The following DYDC1 variants were observed in gnomAD, a reference collection of about 807,000 sequenced individuals.
The protein encoded by DYDC1 is DPY30 domain containing 1, also known as DPY30 domain-containing protein 1.
Under a neutral mutation model 27.9 loss-of-function variants are expected in DYDC1, and 21 were observed. The ratio of observed to expected loss-of-function variants is 0.75; its 90% CI spans 0.53 to 1.08. The LOEUF (loss-of-function observed/expected upper bound fraction) is 1.08. Among genes scored for constraint, DYDC1 ranks in the 50% least tolerant of loss-of-function variants. The probability of loss-of-function intolerance (pLI) is 0.00; values close to 1 mark genes in which losing one functional copy is unlikely to be tolerated. For synonymous variants in DYDC1, 67 were observed against 65.8 expected (o/e 1.02, Z -0.09); for missense variants, 202 against 205.9 (o/e 0.98, Z 0.12).
chr10:80,351,653 T>C (rs1444972169), intron 3 of DYDC1, among the ~76,000 whole-genome samples: 3 of 152,212 alleles, frequency 2.0e-5, no homozygotes, highest in Non-Finnish European at 4.4e-5. Flanking sequence ...CCTGGAGGTA[T>C]GGCATCTTTT....
intron 1 of DYDC1, among the ~76,000 whole-genome samples, chr10:80,355,843 T>C (rs555679388): frequency 3.9e-5 from 6 of 152,306 alleles, no homozygotes; most frequent in African/African-American, 1.2e-4. Context: ...CAAATGAGGT[T>C]GATATTGGTG....
rs1426654352 is a variant in DYDC1, at chr10:80,336,138, C to A, written c.*18G>T. On this transcript the variant is annotated 3_prime_UTR_variant, in exon 7 of 7. Coordinates refer to ENST00000372202, the MANE Select transcript of DYDC1 (RefSeq NM_001269053.2). ...TTGAAACAAACAAAAACATTTATTG[C>A]TCTTAGGTTGGTTGGTCCTACAAAT... 7.1e-7 allele frequency: 1 copy of A among 1,408,298 alleles called. No individual in the cohort carries two copies. The highest frequency in any genetic ancestry group is 1.2e-5 in the South Asian group (1 of 80,502). The allele number at this position is 1,408,298 out of a possible 1,614,324, so 87.2% of individuals were successfully genotyped here.
At chr10:80,336,080 A>C, downstream of DYDC1, 1 of 1,033,456 alleles carries the variant, frequency 9.7e-7, no homozygotes, top group East Asian at 2.4e-5. Flanking sequence ...TTGAAGGAAA[A>C]AAATACAAAT....
At chr10:80,346,295 A>ATTC (rs768431546) in intron 3 of DYDC1, among the ~76,000 whole-genome samples, 11 of 152,178 alleles carry the variant, frequency 7.2e-5, no homozygotes, top group Admixed American at 3.9e-4. Flanking sequence ...TACTGAGAAG[A>ATTC]GGAATTACTG....
chr10:80,337,493 C>T (rs546588875), intron 6 of DYDC1: 1 of 953,472 alleles, frequency 1.0e-6, no homozygotes, highest in South Asian at 4.9e-5. Flanking sequence ...CCATTTTCTT[C>T]CCCACACTGT....
At chr10:80,345,591 C>T (rs1842566243) in intron 3 of DYDC1, among the ~76,000 whole-genome samples, 1 of 152,086 alleles carries the variant, frequency 6.6e-6, no homozygotes, top group African/African-American at 2.4e-5. Context: ...CCAGGCCTAC[C>T]CCCACTCCAC....
intron 2 of DYDC1, 105 bp from the exon 3 acceptor site, chr10:80,352,107 C>A: frequency 1.0e-6 from 1 of 994,592 alleles, no homozygotes; most frequent in South Asian, 1.5e-5. Flanking sequence ...AAGTGTTAAG[C>A]AAATTATAGC....
chr10:80,342,246 A>G (rs1453931475), intron 4 of DYDC1, 23 bp downstream of exon 4: 1 of 1,604,264 alleles, frequency 6.2e-7, no homozygotes, highest in East Asian at 2.2e-5. Context: ...AATAAAACTG[A>G]CATTTATAAA....
At chr10:80,336,296 T>A in intron 6 of DYDC1, 111 bp from the exon 7 acceptor site, 5 of 1,390,886 alleles carry the variant, frequency 3.6e-6, no homozygotes, top group Middle Eastern at 2.6e-4. Flanking sequence ...TGAATGAAAC[T>A]TTTTGGGAGT....
At chr10:80,349,637 C>T (rs572339833) in intron 3 of DYDC1, among the ~76,000 whole-genome samples, 21 of 152,312 alleles carry the variant, frequency 1.4e-4, no homozygotes, top group Admixed American at 3.3e-4. Flanking sequence ...TTTCAATCAA[C>T]TTTCAGACAT....
Position 80,342,265 on chromosome 10 carries a change from T to C in DYDC1, c.342+4A>G, listed in dbSNP as rs201389435. On this transcript the variant is annotated splice_donor_region_variant and intron_variant, in intron 4 of 6. Coordinates refer to ENST00000372202, the MANE Select transcript of DYDC1 (RefSeq NM_001269053.2). ...AAACTGACATTTATAAAACTTCAAA[T>C]TACCTTGCCTAATTGTTCTTGAGCT... is the stretch of plus-strand genomic sequence containing the variant. The C allele has an allele frequency of 2.7e-5, 44 of 1,612,562 alleles. 1 individual carries two copies. The Admixed American group carries it at 6.5e-4, about 24-fold the overall frequency.
chr10:80,338,402 C>A, intron 6 of DYDC1, 65 bp downstream of exon 6: 1 of 1,590,940 alleles, frequency 6.3e-7, no homozygotes, highest in Non-Finnish European at 8.5e-7. Flanking sequence ...TAGGCTTTAC[C>A]TAAGTAAAAA....
At chr10:80,340,558 T>G (rs1842286637) in intron 4 of DYDC1, among the ~76,000 whole-genome samples, 1 of 152,258 alleles carries the variant, frequency 6.6e-6, no homozygotes, top group South Asian at 2.1e-4. Context: ...CTATGGACTT[T>G]GAAGCACTTT....
intron 1 of DYDC1, chr10:80,356,430 TGTATCTGGCAACCTCCCGGGGCGCTCA>T (rs1843371354): frequency 1.0e-6 from 1 of 985,004 alleles, no homozygotes; most frequent in African/African-American, 1.8e-5. Context: ...GATACAGTAT[TGTATCTGGCAACCTCCCGGGGCGCTCA>T]GTGTGGTTTT....
chr10:80,343,184 A>G (rs1842406223), intron 3 of DYDC1, among the ~76,000 whole-genome samples: 1 of 152,180 alleles, frequency 6.6e-6, no homozygotes, highest in South Asian at 2.1e-4. Flanking sequence ...AATAGAAAAA[A>G]TTTAAAAGAA....
intron 1 of DYDC1, among the ~76,000 whole-genome samples, chr10:80,353,462 G>A (rs1015553130): frequency 6.0e-5 from 9 of 150,060 alleles, no homozygotes; most frequent in African/African-American, 2.0e-4. Context: ...GCGCCTGGCC[G>A]ACCAGATTGT....
intron 3 of DYDC1, among the ~76,000 whole-genome samples, chr10:80,349,949 A>G (rs1464196271): frequency 6.6e-6 from 1 of 152,214 alleles, no homozygotes; most frequent in African/African-American, 2.4e-5. Flanking sequence ...AGTCAGTGGT[A>G]CTGACTATGA....
chr10:80,347,414 T>G (rs1201180593), intron 3 of DYDC1, among the ~76,000 whole-genome samples: 1 of 152,020 alleles, frequency 6.6e-6, no homozygotes, highest in Non-Finnish European at 1.5e-5. Flanking sequence ...TGCCTTTTTG[T>G]TTTGCTGATT....
Position 80,356,730 on chromosome 10 carries a change from T to A in DYDC1, c.-28A>T. The A allele has an allele frequency of 1.0e-6, 1 of 985,314 alleles. No individual in the cohort carries two copies. Among genetic ancestry groups the A allele is most frequent in the Non-Finnish European group, 1.2e-6 (1 of 829,892 alleles). 61.0% of individuals were successfully genotyped at this position (985,314 alleles called of 1,614,324 possible). ...CGCTCACCCCTACACACGCGCCTGCTCGCCACCCAGGAGCGGCGTCCCGTT... is the reference window on the plus strand; with the variant it reads ...CGCTCACCCCTACACACGCGCCTGCACGCCACCCAGGAGCGGCGTCCCGTT... On this transcript the variant is annotated 5_prime_UTR_variant, in exon 1 of 7. Transcript: ENST00000372202.
Sources: allele counts gnomAD v4.1 joint callset (sites outside exome capture counted in the v4.1 genomes callset), GRCh38; gene constraint gnomAD v4.1.1; transcripts MANE v1.5; gene names NCBI Gene and HGNC (gene_info 2026-07-23, HGNC 2026-07-21).